Variants in PRP4K observed in about 807,000 individuals in gnomAD.
The protein encoded by PRP4K is serine/threonine-protein kinase PRP4 homolog.
chr6:4,038,919 C>CTTTTTTTTT, the PRP4K span, among the ~76,000 whole-genome samples: 3 of 144,332 alleles, frequency 2.1e-5, no homozygotes, highest in Admixed American at 7.0e-5. Context: ...AATTTTTGTG[C>CTTTTTTTTT]TTTTTTTTTT....
chr6:4,044,092 G>A, the PRP4K span: 7 of 1,440,134 alleles, frequency 4.9e-6, no homozygotes, highest in Non-Finnish European at 5.8e-6. Context: ...AATAAGAGAC[G>A]TTATTTGGGG....
At chr6:4,049,845 G>T in the PRP4K span, 1 of 1,614,128 alleles carries the variant, frequency 6.2e-7, no homozygotes, top group Non-Finnish European at 8.5e-7. Context: ...CAACCAAGAA[G>T]TGGCTGTAAA....
the PRP4K span, among the ~76,000 whole-genome samples, chr6:4,045,103 T>C: frequency 2.6e-5 from 4 of 152,028 alleles, no homozygotes; most frequent in African/African-American, 9.7e-5. Context: ...CCTCGTGATC[T>C]GCCTGTCGGC....
At chr6:4,047,455 T>C in the PRP4K span, among the ~76,000 whole-genome samples, 1 of 152,344 alleles carries the variant, frequency 6.6e-6, no homozygotes, top group Middle Eastern at 3.4e-3. Flanking sequence ...CAGAACAATT[T>C]GAGAGCTTTA....
the PRP4K span, chr6:4,049,149 C>A: frequency 6.7e-7 from 1 of 1,497,264 alleles, no homozygotes; most frequent in Non-Finnish European, 9.2e-7. Context: ...CATTGTAACA[C>A]CATGCAAAAG....
the PRP4K span, among the ~76,000 whole-genome samples, chr6:4,037,946 G>T: frequency 7.3e-5 from 11 of 150,390 alleles, no homozygotes; most frequent in Non-Finnish European, 4.4e-5. Context: ...TTTGCATATT[G>T]ATAGTTACTG....
the PRP4K span, among the ~76,000 whole-genome samples, chr6:4,026,495 G>T: frequency 1.8e-4 from 27 of 151,848 alleles, no homozygotes; most frequent in African/African-American, 5.6e-4. Flanking sequence ...TAGAGACAGG[G>T]TTTCACCATG....
the PRP4K span, chr6:4,040,825 G>A: frequency 1.2e-6 from 2 of 1,614,068 alleles, no homozygotes; most frequent in South Asian, 1.1e-5. Flanking sequence ...CGATCACGCG[G>A]TGGTCGTAGA....
the PRP4K span, among the ~76,000 whole-genome samples, chr6:4,053,903 T>TTTG: frequency 6.7e-6 from 1 of 149,506 alleles, no homozygotes; most frequent in African/African-American, 2.5e-5. Flanking sequence ...TCTTTTGTTT[T>TTTG]TTTTGTTTTG....
the PRP4K span, among the ~76,000 whole-genome samples, chr6:4,059,474 C>T: frequency 1.3e-5 from 2 of 152,092 alleles, no homozygotes; most frequent in Non-Finnish European, 2.9e-5. Context: ...TTATTTTTGT[C>T]CCATTATTAT....
the PRP4K span, chr6:4,037,575 A>G: frequency 6.2e-7 from 1 of 1,611,570 alleles, no homozygotes; most frequent in African/African-American, 1.3e-5. Flanking sequence ...GAGAAGGTAA[A>G]GACATTTCAT....
At chr6:4,040,818 T>A in the PRP4K span, 2 of 1,614,004 alleles carry the variant, frequency 1.2e-6, no homozygotes, top group South Asian at 2.2e-5. Flanking sequence ...GCGGTCTCGA[T>A]CACGCGGTGG....
the PRP4K span, among the ~76,000 whole-genome samples, chr6:4,046,663 T>C: frequency 0.01 from 1,540 of 150,958 alleles, 16 homozygotes; most frequent in Non-Finnish European, 0.014. Flanking sequence ...CTTTCAACTT[T>C]TTTTTTTTTT....
the PRP4K span, among the ~76,000 whole-genome samples, chr6:4,038,602 G>A: frequency 1.0e-3 from 152 of 152,058 alleles, 1 homozygote; most frequent in African/African-American, 3.5e-3. Flanking sequence ...CTCATGTTTC[G>A]CTTTTGCCTA....
the PRP4K span, chr6:4,061,377 C>T: frequency 2.6e-5 from 4 of 152,576 alleles, no homozygotes; most frequent in African/African-American, 9.7e-5. Flanking sequence ...TGTACTGTTT[C>T]TTATTAACTT....
At chr6:4,032,753 A>G in the PRP4K span, 1 of 1,564,320 alleles carries the variant, frequency 6.4e-7, no homozygotes, top group Non-Finnish European at 8.6e-7. Flanking sequence ...TTTCTTCTCC[A>G]AGGTAACTTG....
chr6:4,052,574 G>GT, the PRP4K span: 2 of 614,746 alleles, frequency 3.3e-6, no homozygotes, highest in South Asian at 4.7e-5. Context: ...AATATAAAAT[G>GT]ATTTATCAAA....
chr6:4,056,627 A>C, the PRP4K span: 1 of 1,579,604 alleles, frequency 6.3e-7, no homozygotes, highest in Non-Finnish European at 8.6e-7. Flanking sequence ...CATGTCGGGC[A>C]AGAGTAGCAA....
the PRP4K span, among the ~76,000 whole-genome samples, chr6:4,023,948 C>G: frequency 6.6e-6 from 1 of 151,472 alleles, no homozygotes. Context: ...CTCACTGAAA[C>G]CTTGGACTCC....
Sources: allele counts gnomAD v4.1 joint callset (sites outside exome capture counted in the v4.1 genomes callset), GRCh38; gene constraint gnomAD v4.1.1; transcripts MANE v1.5; gene names NCBI Gene and HGNC (gene_info 2026-07-23, HGNC 2026-07-21).